TRPC7: variants seen among roughly 807,000 people sequenced by gnomAD.
TRPC7 encodes the protein transient receptor potential cation channel subfamily C member 7, also known as short transient receptor potential channel 7.
Under a neutral mutation model 90.1 loss-of-function variants are expected in TRPC7, and 42 were observed. That is an observed-to-expected ratio of 0.47 (90% CI 0.36 to 0.60). The LOEUF is 0.60. Among genes scored for constraint, TRPC7 ranks in the 20% least tolerant of loss-of-function variants. TRPC7 has a pLI of 0.00. For synonymous variants in TRPC7, 451 were observed against 436.3 expected (o/e 1.03, Z -0.42); for missense variants, 955 against 1,112.3 (o/e 0.86, Z 2.01).
chr5:136,273,325 G>GA (rs1757263026), intron 4 of TRPC7, among the ~76,000 whole-genome samples: 1 of 152,108 alleles, frequency 6.6e-6, no homozygotes, highest in African/African-American at 2.4e-5. Flanking sequence ...ATGAAGGACA[G>GA]AAAAAAATTG....
intron 2 of TRPC7, among the ~76,000 whole-genome samples, chr5:136,326,174 C>T (rs895058272): frequency 6.6e-5 from 10 of 152,234 alleles, no homozygotes; most frequent in African/African-American, 2.2e-4. Flanking sequence ...AGCGCTTTCT[C>T]ACTTTAATAA....
chr5:136,217,027 C>T (rs1265512832), intron 10 of TRPC7, among the ~76,000 whole-genome samples: 1 of 152,188 alleles, frequency 6.6e-6, no homozygotes, highest in African/African-American at 2.4e-5. Context: ...GTAGGAAAGA[C>T]TGCAGGAGGT....
chr5:136,234,372 C>G (rs190513604), intron 7 of TRPC7, among the ~76,000 whole-genome samples: 1 of 151,868 alleles, frequency 6.6e-6, no homozygotes, highest in Non-Finnish European at 1.5e-5. Context: ...GCAAGTGGCA[C>G]GATCTTGGCT....
At chr5:136,313,406 T>G (rs1026325412) in intron 3 of TRPC7, among the ~76,000 whole-genome samples, 1 of 152,082 alleles carries the variant, frequency 6.6e-6, no homozygotes, top group African/African-American at 2.4e-5. Flanking sequence ...TATCTATCTA[T>G]CTATCTATCT....
chr5:136,236,755 G>A (rs1755994040), intron 7 of TRPC7, among the ~76,000 whole-genome samples: 1 of 152,156 alleles, frequency 6.6e-6, no homozygotes, highest in African/African-American at 2.4e-5. Flanking sequence ...AGAGCAAACT[G>A]ATCAACAAGG....
At chr5:136,358,151 G>C (rs1760450414) in intron 1 of TRPC7, among the ~76,000 whole-genome samples, 1 of 152,204 alleles carries the variant, frequency 6.6e-6, no homozygotes, top group South Asian at 2.1e-4. Context: ...AGCAGGACTA[G>C]AATCCTGTCA....
rs758504436 is a variant in TRPC7 at position 136,225,377 on chromosome 5, C to T, written c.2263-23G>A. 9 of 1,605,750 alleles carry T rather than the reference C, an allele frequency of 5.6e-6. No homozygotes were observed. In the South Asian group the frequency reaches 6.7e-5, roughly 12 times the overall value. On this transcript the variant is annotated intron_variant, in intron 9 of 11. Transcript: ENST00000513104. ...CTTCTGGATAAAACAAACAAACCCA[C>T]ACACATCACACAGAAAAACATACAT...
At chr5:136,293,923 A>G (rs1222880447) in intron 3 of TRPC7, among the ~76,000 whole-genome samples, 5 of 152,126 alleles carry the variant, frequency 3.3e-5, no homozygotes, top group Non-Finnish European at 4.4e-5. Context: ...AAACAGCATG[A>G]TACTAGTACC....
intron 10 of TRPC7, among the ~76,000 whole-genome samples, chr5:136,223,813 A>G (rs1306654796): frequency 6.6e-6 from 1 of 152,146 alleles, no homozygotes; most frequent in African/African-American, 2.4e-5. Flanking sequence ...CAGATAATCT[A>G]TACTTCTCTC....
At position 136,251,688 on chromosome 5, in the gene TRPC7, T is replaced by G; in HGVS notation, c.1540A>C (p.Asn514His). ...DQHVQDDTLH[N>H]VSLPPEVAYF... ...GCCACTTCCGGCGGAAGCGAGACAT[T>G]GTGCAGCGTGTCGTCCTGCACGTGC... The change falls in exon 6 of 12, where the codon AAT (asparagine) becomes CAT (histidine). Residue 514 changes from asparagine to histidine, a missense_variant. By Grantham distance (68) the Asn-to-His change is moderately conservative. This residue lies in a region of TRPC7 where 484 missense variants were observed against 509.6 expected (regional missense o/e 0.95). Coordinates refer to ENST00000513104, the MANE Select transcript of TRPC7 (RefSeq NM_020389.3). 1 of 1,612,300 alleles carries G rather than the reference T, an allele frequency of 6.2e-7. No individual in the cohort carries two copies. The highest frequency in any genetic ancestry group is 8.5e-7 in the Non-Finnish European group (1 of 1,178,552).
chr5:136,275,356 T>C (rs1177770104), intron 3 of TRPC7, among the ~76,000 whole-genome samples: 4 of 150,002 alleles, frequency 2.7e-5, no homozygotes, highest in African/African-American at 1.0e-4. Flanking sequence ...GCTTATCACA[T>C]TGTCTTGGAG....
chr5:136,354,852 T>A (rs1353745511), intron 2 of TRPC7, among the ~76,000 whole-genome samples: 1 of 152,236 alleles, frequency 6.6e-6, no homozygotes, highest in Non-Finnish European at 1.5e-5. Flanking sequence ...ATTCTGAGAC[T>A]CATCTTCACT....
At chr5:136,292,196 G>A (rs1263761398) in intron 3 of TRPC7, among the ~76,000 whole-genome samples, 2 of 152,018 alleles carry the variant, frequency 1.3e-5, no homozygotes, top group South Asian at 2.1e-4. Context: ...AGCAGGAAAG[G>A]TCTAAAATTG....
chr5:136,277,083 T>C (rs1176314396), intron 3 of TRPC7, among the ~76,000 whole-genome samples: 2 of 152,220 alleles, frequency 1.3e-5, no homozygotes, highest in Non-Finnish European at 2.9e-5. Context: ...CATTTGCTTC[T>C]TGTCTGTATC....
At chr5:136,225,448 G>A (rs1755595662) in intron 9 of TRPC7, 94 bp from the exon 10 acceptor site, 3 of 1,204,166 alleles carry the variant, frequency 2.5e-6, no homozygotes, top group Non-Finnish European at 3.5e-6. Context: ...CCATATACGG[G>A]GCTGTCTCAG....
chr5:136,302,385 C>G (rs1425582029), intron 3 of TRPC7, among the ~76,000 whole-genome samples: 1 of 151,982 alleles, frequency 6.6e-6, no homozygotes, highest in African/African-American at 2.4e-5. Context: ...TATCCCTCAA[C>G]CCCTTCTTCA....
At chr5:136,251,408 T>G (rs1580863625) in intron 6 of TRPC7, among the ~76,000 whole-genome samples, 2 of 152,308 alleles carry the variant, frequency 1.3e-5, no homozygotes, top group Middle Eastern at 6.8e-3. Flanking sequence ...CACAAAAAGA[T>G]TCATTTCTCA....
At position 136,251,951 on chromosome 5, in the gene TRPC7, GGAGGGAACCA is replaced by G. The variant is rs1483584250; in HGVS notation, c.1346-79_1346-70del. 4 of 1,226,598 alleles carry G rather than the reference GGAGGGAACCA, an allele frequency of 3.3e-6. No individual in the cohort carries two copies. In the Admixed American group the frequency reaches 5.2e-5, roughly 16 times the overall value. The allele number at this position is 1,226,598 out of a possible 1,614,324, so 76.0% of individuals were successfully genotyped here. On this transcript the variant is annotated intron_variant, in intron 5 of 11. Transcript: ENST00000513104. Reference sequence around the variant, plus strand: ...GGCATTTGTGACCGCATGAGGTCATGGAGGGAACCAGAGTACAAATGTAAATATCAGCTCT... The same window carrying G: ...GGCATTTGTGACCGCATGAGGTCATGGAGTACAAATGTAAATATCAGCTCT...
In TRPC7 at chr5:136,264,447, C is replaced by T. The variant is rs141650497; in HGVS notation, c.1345+1773G>A. On this transcript the variant is annotated intron_variant, in intron 5 of 11. Transcript: ENST00000513104. The stretch of plus-strand genomic sequence containing the variant: ...AATGCTCAATTTAGTTAAACAATGG[C>T]GTATGTACTAGGGAGAACTGGGATA... 2.8e-3 allele frequency among the ~76,000 whole-genome samples: 421 copies of T among 152,202 alleles called. 1 individual carries two copies. Among genetic ancestry groups the T allele is most frequent in the African/African-American group, 9.6e-3 (400 of 41,514 alleles).
Sources: gnomAD v4.1 joint callset for allele counts (sites outside exome capture counted in the v4.1 genomes callset) on GRCh38, gnomAD v4.1.1 for gene constraint, gnomAD v4.1.1 regional missense constraint, MANE v1.5 for transcripts, NCBI Gene and HGNC (gene_info 2026-07-23, HGNC 2026-07-21) for gene names.